The following TECRL variants were observed in gnomAD, a reference collection of about 807,000 sequenced individuals.
TECRL encodes trans-2,3-enoyl-CoA reductase-like.
TECRL carries 63 observed loss-of-function variants against 52.8 expected under a neutral mutation model. That is an observed-to-expected ratio of 1.19 (90% CI 0.97 to 1.47). TECRL has a LOEUF of 1.47. TECRL is among the 40% of genes most tolerant of loss of function. TECRL has a pLI of 0.00. For missense variants in TECRL, 482 were observed against 429.6 expected (o/e 1.12, Z -1.08); for synonymous variants, 164 against 141.9 (o/e 1.16, Z -1.10).
chr4:64,316,824 T>A (rs193101477), intron 4 of TECRL, among the ~76,000 whole-genome samples: 15 of 152,294 alleles, frequency 9.8e-5, no homozygotes, highest in African/African-American at 3.6e-4. Context: ...TTATTTCTAT[T>A]ATCAAATAGT....
Position 64,384,225 on chromosome 4 carries a change from G to A in TECRL, c.235-9002C>T, listed in dbSNP as rs942775044. ...CTTGGGCCTCTTGGTGGCTTCTCATGTGCTTACAGTGACAGTATTCAGCTG... is the reference window on the plus strand; with the variant it reads ...CTTGGGCCTCTTGGTGGCTTCTCATATGCTTACAGTGACAGTATTCAGCTG... On this transcript the variant is annotated intron_variant, in intron 1 of 11. Transcript: ENST00000381210. Among the ~76,000 whole-genome samples the A allele has an allele frequency of 4.6e-5, 7 of 152,090 alleles. No individual in the cohort carries two copies. In the East Asian group the frequency reaches 1.4e-3, roughly 29 times the overall value.
At chr4:64,308,357 C>G (rs1724460891) in intron 6 of TECRL, among the ~76,000 whole-genome samples, 1 of 152,146 alleles carries the variant, frequency 6.6e-6, no homozygotes, top group Non-Finnish European at 1.5e-5. Context: ...ACTCATAGTG[C>G]CATTAGCATT....
intron 2 of TECRL, among the ~76,000 whole-genome samples, chr4:64,348,433 A>C (rs1212959656): frequency 6.6e-6 from 1 of 152,204 alleles, no homozygotes; most frequent in African/African-American, 2.4e-5. Flanking sequence ...GTGTGGGTAC[A>C]CAGAGCCAAA....
chr4:64,357,288 A>G (rs1720838724), intron 2 of TECRL, among the ~76,000 whole-genome samples: 1 of 151,978 alleles, frequency 6.6e-6, no homozygotes, highest in Non-Finnish European at 1.5e-5. Context: ...ATTAAAAATG[A>G]AATATAACTG....
chr4:64,345,479 C>T (rs1185626415), intron 2 of TECRL, among the ~76,000 whole-genome samples: 4 of 144,126 alleles, frequency 2.8e-5, no homozygotes, highest in African/African-American at 1.0e-4. Flanking sequence ...ATGTTCTCAC[C>T]CATAGGTGGG....
Position 64,395,396 on chromosome 4 carries a change from A to G in TECRL, c.234+13722T>C, listed in dbSNP as rs145076598. On this transcript the variant is annotated intron_variant, in intron 1 of 11. Coordinates refer to ENST00000381210, the MANE Select transcript of TECRL (RefSeq NM_001010874.5). ...TATGAGGAAAGAAAGTTGTCACTAG[A>G]TCATTAGATAAGTTTGAGCACAAAA... Among the ~76,000 whole-genome samples the G allele has an allele frequency of 7.8e-3, 1,172 of 151,134 alleles. 13 individuals carry two copies. Among genetic ancestry groups the G allele is most frequent in the African/African-American group, 0.027 (1,103 of 40,490 alleles).
At chr4:64,384,474 A>C (rs1723036243) in intron 1 of TECRL, among the ~76,000 whole-genome samples, 1 of 152,100 alleles carries the variant, frequency 6.6e-6, no homozygotes, top group Non-Finnish European at 1.5e-5. Flanking sequence ...CAAGAGGCAC[A>C]TGCAGGCACT....
At chr4:64,296,524 A>C (rs1003347994) in intron 8 of TECRL, among the ~76,000 whole-genome samples, 5 of 151,918 alleles carry the variant, frequency 3.3e-5, no homozygotes, top group Admixed American at 2.0e-4. Flanking sequence ...CTTATATGCT[A>C]TTATCAATTT....
intron 3 of TECRL, among the ~76,000 whole-genome samples, chr4:64,325,971 G>A (rs1415985259): frequency 6.6e-6 from 1 of 152,072 alleles, no homozygotes; most frequent in South Asian, 2.1e-4. Flanking sequence ...CAAAGGGAGA[G>A]GAATATATAG....
In TECRL at chr4:64,348,497, A is replaced by G. The variant is rs1720151446; in HGVS notation, c.287-19941T>C. Among the ~76,000 whole-genome samples, 8 of 152,144 alleles carry G rather than the reference A, an allele frequency of 5.3e-5. No individual in the cohort carries two copies. In the South Asian group the frequency reaches 1.7e-3, roughly 32 times the overall value. The stretch of plus-strand genomic sequence containing the variant: ...CAGATATTCTGGTAGGTAAATGTGG[A>G]AAGTTATTTCACCCTTTATTTTTGA... On this transcript the variant is annotated intron_variant, in intron 2 of 11. Coordinates refer to ENST00000381210, the MANE Select transcript of TECRL (RefSeq NM_001010874.5).
chr4:64,380,612 C>T (rs1407913658), intron 1 of TECRL, among the ~76,000 whole-genome samples: 1 of 152,012 alleles, frequency 6.6e-6, no homozygotes. Context: ...TCACATTCTT[C>T]TGCATATAGA....
At chr4:64,339,275 G>A (rs1719365311) in intron 2 of TECRL, among the ~76,000 whole-genome samples, 1 of 114,174 alleles carries the variant, frequency 8.8e-6, no homozygotes, top group Non-Finnish European at 1.7e-5. Context: ...ACACTCTGGG[G>A]CCTGTTGTGG....
At chr4:64,376,602 T>C (rs1036611035) in intron 1 of TECRL, among the ~76,000 whole-genome samples, 5 of 151,970 alleles carry the variant, frequency 3.3e-5, no homozygotes, top group Non-Finnish European at 5.9e-5. Flanking sequence ...AGCACCTTTA[T>C]ATGTTGCTTT....
intron 2 of TECRL, among the ~76,000 whole-genome samples, chr4:64,338,699 C>T (rs188694707): frequency 2.0e-5 from 3 of 152,284 alleles, no homozygotes; most frequent in East Asian, 1.9e-4. Flanking sequence ...TCATCACTGA[C>T]CATCAGAGAA....
chr4:64,320,349 A>G (rs1023313001), intron 4 of TECRL, among the ~76,000 whole-genome samples: 4 of 151,918 alleles, frequency 2.6e-5, no homozygotes, highest in African/African-American at 9.7e-5. Flanking sequence ...TCAATGAACA[A>G]GAATGTCATA....
Position 64,279,266 on chromosome 4 carries a change from T to C in TECRL, c.*806A>G, listed in dbSNP as rs959790690. On this transcript the variant is annotated 3_prime_UTR_variant, in exon 12 of 12. Coordinates refer to ENST00000381210, the MANE Select transcript of TECRL (RefSeq NM_001010874.5). The stretch of plus-strand genomic sequence containing the variant: ...TCTTCACCAATATGTTATTTTTATT[T>C]TATTTTGAGACAGTCTCACTCTGTC... 6.6e-6 allele frequency: 1 copy of C among 152,186 alleles called. No homozygotes were observed. The allele number at this position is 152,186 out of a possible 1,614,324, so 9.4% of individuals were successfully genotyped here.
At position 64,374,733 on chromosome 4, in the gene TECRL, A is replaced by T. The variant is rs181258252; in HGVS notation, c.286+439T>A. On this transcript the variant is annotated intron_variant, in intron 2 of 11. Transcript: ENST00000381210. ...AGCTTCATCCATGTCCCTACAAAGG[A>T]CATGAACTCATCCTTTTTTATGGCT... Among the ~76,000 whole-genome samples, 121 of 152,120 alleles carry T rather than the reference A, an allele frequency of 8.0e-4. 1 individual carries two copies. Among genetic ancestry groups the T allele is most frequent in the African/African-American group, 2.7e-3 (111 of 41,508 alleles).
chr4:64,361,903 A>G (rs1186055837), intron 2 of TECRL, among the ~76,000 whole-genome samples: 3 of 152,202 alleles, frequency 2.0e-5, no homozygotes, highest in Non-Finnish European at 4.4e-5. Context: ...GAATCTGGAT[A>G]GAAAGGAGGC....
intron 1 of TECRL, among the ~76,000 whole-genome samples, chr4:64,380,686 A>G (rs1000730618): frequency 2.6e-5 from 4 of 152,050 alleles, no homozygotes; most frequent in Non-Finnish European, 5.9e-5. Context: ...TATTGTTGGC[A>G]TCTTTGAAGA....
Sources: gnomAD v4.1 joint callset for allele counts (sites outside exome capture counted in the v4.1 genomes callset) on GRCh38, gnomAD v4.1.1 for gene constraint, MANE v1.5 for transcripts, NCBI Gene and HGNC (gene_info 2026-07-23, HGNC 2026-07-21) for gene names.